The following KCNIP4 variants were observed in gnomAD, a reference collection of about 807,000 sequenced individuals.
KCNIP4 encodes the protein Kv channel-interacting protein 4.
A neutral mutation model predicts 34.0 loss-of-function variants in KCNIP4; 12 were observed. That is an observed-to-expected ratio of 0.35 (90% confidence interval 0.23 to 0.57). The LOEUF (loss-of-function observed/expected upper bound fraction) is 0.57, where lower values mean the gene tolerates loss of function less well. KCNIP4 is among the 20% of genes least tolerant of loss of function. The pLI, the probability that KCNIP4 is intolerant of heterozygous loss-of-function variation, is 0.83. For synonymous variants in KCNIP4, 124 were observed against 102.2 expected, an observed-to-expected ratio of 1.21 and a Z score of -1.29; for missense variants, 238 against 311.7, an observed-to-expected ratio of 0.76 and a Z score of 1.78.
chr4:20,805,193 T>C (rs398051118), intron 3 of KCNIP4, among the ~76,000 whole-genome samples: 38,442 of 130,352 alleles, frequency 0.29, 6,595 homozygotes, highest in Admixed American at 0.41. Flanking sequence ...TTCCTTTTTT[T>C]TTTTTTTTTT....
chr4:21,015,946 TA>T (rs934763389), intron 1 of KCNIP4, among the ~76,000 whole-genome samples: 2 of 144,028 alleles, frequency 1.4e-5, no homozygotes, highest in African/African-American at 2.5e-5. Context: ...TTTTATATAT[TA>T]AAAAAGAGAG....
In KCNIP4 at chr4:21,637,287, T is replaced by TAGGTAAATACTTTAGTAAATACTTC. The variant is rs1746258928; in HGVS notation, c.61+311259_61+311283dup. 2.6e-5 allele frequency among the ~76,000 whole-genome samples: 4 copies of TAGGTAAATACTTTAGTAAATACTTC among 152,254 alleles called. No individual in the cohort carries two copies. The East Asian group carries it at 5.8e-4, about 22-fold the overall frequency. ...ACCAAGTTTAAGAGAGTAAATACTTTAGGTAAATACTTTAGTAAATACTTC... is the reference window on the plus strand; with the variant it reads ...ACCAAGTTTAAGAGAGTAAATACTTTAGGTAAATACTTTAGTAAATACTTCAGGTAAATACTTTAGTAAATACTTC... On this transcript the variant is annotated intron_variant, in intron 1 of 8. Transcript: ENST00000382152.
At chr4:21,914,999 G>GA (rs201805759) in intron 1 of KCNIP4, among the ~76,000 whole-genome samples, 60 of 150,550 alleles carry the variant, frequency 4.0e-4, no homozygotes, top group East Asian at 3.9e-4. Flanking sequence ...GTACGCATTT[G>GA]AAAAAAAAAT....
At chr4:21,830,009 T>C (rs547611514) in intron 1 of KCNIP4, among the ~76,000 whole-genome samples, 2 of 152,284 alleles carry the variant, frequency 1.3e-5, no homozygotes, top group South Asian at 2.1e-4. Flanking sequence ...ATAATTATTT[T>C]GAATTTAAAT....
intron 1 of KCNIP4, among the ~76,000 whole-genome samples, chr4:21,746,595 A>T (rs1028608108): frequency 7.6e-5 from 9 of 117,770 alleles, no homozygotes; most frequent in African/African-American, 2.7e-4. Context: ...GAAAAAATAA[A>T]AAAAAAAGCA....
At position 20,729,962 on chromosome 4, in the gene KCNIP4, T is replaced by TGTTTGCATA; in HGVS notation, c.*111_*119dup. The TGTTTGCATA allele has an allele frequency of 8.4e-7, 1 of 1,183,912 alleles. No individual in the cohort carries two copies. The highest frequency in any genetic ancestry group is 1.6e-5 in the African/African-American group (1 of 64,080). The allele number at this position is 1,183,912 out of a possible 1,614,324, so 73.3% of individuals were successfully genotyped here. On this transcript the variant is annotated 3_prime_UTR_variant, in exon 9 of 9. Transcript: ENST00000382152. ...GATTGCTTTATATTAAAACAAAGCT[T>TGTTTGCATA]GTTTGCATAATATGCTTCAGTGTCA... is the stretch of plus-strand genomic sequence containing the variant.
At chr4:21,882,802 A>G (rs985836314) in intron 1 of KCNIP4, among the ~76,000 whole-genome samples, 1 of 152,168 alleles carries the variant, frequency 6.6e-6, no homozygotes, top group Non-Finnish European at 1.5e-5. Flanking sequence ...AGTCTCATCC[A>G]TGAGTGACTT....
At chr4:21,844,573 TC>T (rs1723890515) in intron 1 of KCNIP4, 1 of 152,050 alleles carries the variant, frequency 6.6e-6, no homozygotes, top group African/African-American at 2.4e-5. Context: ...ATCATAATCT[TC>T]CTGCTAGCTG....
intron 1 of KCNIP4, among the ~76,000 whole-genome samples, chr4:21,250,924 T>C (rs1052920936): frequency 6.6e-6 from 1 of 150,946 alleles, no homozygotes; most frequent in Non-Finnish European, 1.5e-5. Context: ...TATATGCATA[T>C]ATTTAAATAT....
intron 1 of KCNIP4, among the ~76,000 whole-genome samples, chr4:21,882,553 A>G (rs16872036): frequency 0.011 from 1,742 of 152,272 alleles, 30 homozygotes; most frequent in African/African-American, 0.039. Context: ...ACACGGAAAC[A>G]TAAGTAGATG....
At chr4:21,016,286 T>C (rs946107229) in intron 1 of KCNIP4, among the ~76,000 whole-genome samples, 2 of 149,454 alleles carry the variant, frequency 1.3e-5, no homozygotes, top group African/African-American at 2.5e-5. Flanking sequence ...CTTTATTTCT[T>C]TTCTTTTTTT....
intron 1 of KCNIP4, among the ~76,000 whole-genome samples, chr4:21,631,157 A>T (rs1745738709): frequency 6.6e-6 from 1 of 151,496 alleles, no homozygotes; most frequent in African/African-American, 2.5e-5. Context: ...CTATCAACAC[A>T]TGAGATTCTT....
chr4:21,422,131 CATGA>C (rs909999337), intron 1 of KCNIP4, among the ~76,000 whole-genome samples: 4 of 151,602 alleles, frequency 2.6e-5, no homozygotes, highest in African/African-American at 9.7e-5. Context: ...TGCACACAAT[CATGA>C]AAACCAAGAT....
At chr4:21,573,336 T>C in intron 1 of KCNIP4, among the ~76,000 whole-genome samples, 1 of 152,154 alleles carries the variant, frequency 6.6e-6, no homozygotes, top group Non-Finnish European at 1.5e-5. Flanking sequence ...GAGTTTCTCT[T>C]TTATCAGTGG....
chr4:21,256,406 C>A (rs1229919660), intron 1 of KCNIP4, among the ~76,000 whole-genome samples: 1 of 145,394 alleles, frequency 6.9e-6, no homozygotes, highest in Non-Finnish European at 1.5e-5. Flanking sequence ...ATAATGAGAT[C>A]CCATCCCTGC....
intron 1 of KCNIP4, among the ~76,000 whole-genome samples, chr4:21,485,528 A>G (rs528508385): frequency 7.9e-5 from 12 of 152,124 alleles, no homozygotes; most frequent in African/African-American, 2.9e-4. Flanking sequence ...TCATCTCACA[A>G]TTTTACGCTC....
intron 1 of KCNIP4, among the ~76,000 whole-genome samples, chr4:21,169,652 C>T (rs1376994848): frequency 8.0e-6 from 1 of 125,466 alleles, no homozygotes; most frequent in Non-Finnish European, 1.7e-5. Flanking sequence ...TGTAGTCATA[C>T]TTTATATTTG....
At chr4:21,651,667 T>A (rs142785651) in intron 1 of KCNIP4, among the ~76,000 whole-genome samples, 1 of 152,258 alleles carries the variant, frequency 6.6e-6, no homozygotes, top group Non-Finnish European at 1.5e-5. Flanking sequence ...AATGAATTCT[T>A]TTACAAGAAC....
At chr4:21,477,600 T>A (rs1731093505) in intron 1 of KCNIP4, among the ~76,000 whole-genome samples, 1 of 152,282 alleles carries the variant, frequency 6.6e-6, no homozygotes, top group Middle Eastern at 3.4e-3. Flanking sequence ...TATAACTAAC[T>A]TTCCTTGACT....
Sources: gnomAD v4.1 joint callset for allele counts (sites outside exome capture counted in the v4.1 genomes callset) on GRCh38, gnomAD v4.1.1 for gene constraint, MANE v1.5 for transcripts, NCBI Gene and HGNC (gene_info 2026-07-23, HGNC 2026-07-21) for gene names.